CNTD1: variants seen among roughly 807,000 people sequenced by gnomAD.
The protein encoded by CNTD1 is cyclin N-terminal domain containing 1, also known as cyclin N-terminal domain-containing protein 1.
In CNTD1, 17 loss-of-function variants were observed where a neutral mutation model predicts 36.3. The observed-to-expected ratio is 0.47, with a 90% confidence interval of 0.32 to 0.70. The LOEUF is 0.70. Among genes scored for constraint, CNTD1 ranks in the 30% least tolerant of loss-of-function variants. CNTD1 has a pLI of 0.03. For synonymous variants in CNTD1, 128 were observed against 153.3 expected, an observed-to-expected ratio of 0.83 and a Z score of 1.22; for missense variants, 338 against 386.1, an observed-to-expected ratio of 0.88 and a Z score of 1.04.
chr17:42,799,937 G>A (rs1462475444), intron 1 of CNTD1, among the ~76,000 whole-genome samples: 2 of 150,972 alleles, frequency 1.3e-5, no homozygotes, highest in African/African-American at 2.4e-5. Flanking sequence ...GGTGGCGGGC[G>A]CCTGTAGTCC....
At chr17:42,803,793 G>A (rs893034911) in intron 2 of CNTD1, 98 bp downstream of exon 2, 4 of 900,576 alleles carry the variant, frequency 4.4e-6, no homozygotes, top group Non-Finnish European at 7.1e-6. Flanking sequence ...CTTACCCTGA[G>A]ACCTGGTTTT....
chr17:42,802,963 A>G (rs77591757), intron 1 of CNTD1, among the ~76,000 whole-genome samples: 3,314 of 152,152 alleles, frequency 0.022, 118 homozygotes, highest in African/African-American at 0.075. Flanking sequence ...CTCCCCCTAA[A>G]TTGGGCTATG....
Position 42,809,581 on chromosome 17 carries a change from T to TATAAA in CNTD1, c.*46_*47insATAAA, listed in dbSNP as rs1244372228. Reference sequence around the variant, plus strand: ...TATAAACAGCCATCCGTCACTGCACTCATGCCTCCCTCTGTTTACTTTCAT... The same window carrying TATAAA: ...TATAAACAGCCATCCGTCACTGCACTATAAACATGCCTCCCTCTGTTTACTTTCAT... On this transcript the variant is annotated 3_prime_UTR_variant, in exon 7 of 7. Transcript: ENST00000588408. 3 of 1,548,958 alleles carry TATAAA rather than the reference T, an allele frequency of 1.9e-6. No individual in the cohort carries two copies. The highest frequency in any genetic ancestry group is 2.7e-6 in the Non-Finnish European group (3 of 1,125,730).
Position 42,811,341 on chromosome 17 carries a change from CA to C in CNTD1, c.*1810del. ...TCCATCAATGGGATCCTAGAAAAAT[CA>C]AAAGAAGCATTCCTGTGTATTTCCA... On this transcript the variant is annotated 3_prime_UTR_variant, in exon 7 of 7. Transcript: ENST00000588408. The C allele has an allele frequency of 3.3e-6, 1 of 299,862 alleles. No individual in the cohort carries two copies. Among genetic ancestry groups the C allele is most frequent in the South Asian group, 1.4e-4 (1 of 7,110 alleles). The allele number at this position is 299,862 out of a possible 1,614,324, so 18.6% of individuals were successfully genotyped here.
chr17:42,799,752 C>CAAA (rs780393099), intron 1 of CNTD1, among the ~76,000 whole-genome samples: 304 of 10,586 alleles, frequency 0.029, 80 homozygotes, highest in African/African-American at 0.048. Flanking sequence ...AACTCCGTCT[C>CAAA]AAAAAAAAAA....
Position 42,804,185 on chromosome 17 carries a change from T to C in CNTD1, c.246-40T>C, listed in dbSNP as rs748482096. ...AGCAAGTTAAACTCCCTTTAGTTTGTGTGAGTGAGGATTGTTTACTCTCCC... is the reference window on the plus strand; with the variant it reads ...AGCAAGTTAAACTCCCTTTAGTTTGCGTGAGTGAGGATTGTTTACTCTCCC... On this transcript the variant is annotated intron_variant, in intron 2 of 6. Transcript: ENST00000588408. 9 of 1,570,350 alleles carry C rather than the reference T, an allele frequency of 5.7e-6. No homozygotes were observed. In the East Asian group the frequency reaches 1.3e-4, roughly 24 times the overall value.
Position 42,805,771 on chromosome 17 carries a change from T to A in CNTD1, c.467T>A (p.Leu156Gln). Residue 156 changes from leucine to glutamine, a missense_variant, in exon 4 of 7, where the codon CTA (leucine) becomes CAA (glutamine). Transcript: ENST00000588408. Reference protein sequence around the residue: ...VLNFLQALGYLHTKEELLESE... With the variant: ...VLNFLQALGYQHTKEELLESE... ...AATTTCCTCCAGGCTCTAGGCTATC[T>A]ACACACTAAAGAAGAACTGCTGGAA... 6.2e-7 allele frequency: 1 copy of A among 1,614,040 alleles called. No individual in the cohort carries two copies. The highest frequency in any genetic ancestry group is 8.5e-7 in the Non-Finnish European group (1 of 1,179,890).
intron 6 of CNTD1, 173 bp downstream of exon 6, chr17:42,808,037 T>C (rs2054908856): frequency 5.6e-6 from 3 of 533,940 alleles, no homozygotes; most frequent in Non-Finnish European, 3.3e-6. Flanking sequence ...AATGTTTCCT[T>C]GTTTTCCTTT....
At chr17:42,799,360 G>T in intron 1 of CNTD1, 124 bp downstream of exon 1, 1 of 1,111,870 alleles carries the variant, frequency 9.0e-7, no homozygotes, top group Non-Finnish European at 1.3e-6. Context: ...CTCTCTGTGG[G>T]GTGCTGGGGA....
At chr17:42,808,005 GA>G in intron 6 of CNTD1, 141 bp downstream of exon 6, 1 of 604,500 alleles carries the variant, frequency 1.7e-6, no homozygotes, top group East Asian at 2.9e-5. Context: ...ATTTGAGAGG[GA>G]AAAATCTAGG....
rs555490824 is a variant in CNTD1 at position 42,805,847 on chromosome 17, T to C, written c.543T>C (p.Thr181=). Residue 181 remains threonine, a synonymous_variant, in exon 4 of 7, where the codon ACT becomes ACC. Coordinates refer to ENST00000588408, the MANE Select transcript of CNTD1 (RefSeq NM_173478.3). ...KSLNFRINLP[T]PLAYVETLLE... is the part of the protein sequence containing the mutation. Reference sequence around the variant, plus strand: ...TGAACTTCCGAATTAATCTGCCCACTCCCCTGGCATATGTGGAGACGCTCC... The same window carrying C: ...TGAACTTCCGAATTAATCTGCCCACCCCCCTGGCATATGTGGAGACGCTCC... 2 of 1,613,826 alleles carry C rather than the reference T, an allele frequency of 1.2e-6. No homozygotes were observed. Among genetic ancestry groups the C allele is most frequent in the African/African-American group, 1.3e-5 (1 of 75,004 alleles).
intron 1 of CNTD1, 37 bp downstream of exon 1, chr17:42,799,273 G>T: frequency 1.9e-6 from 3 of 1,583,352 alleles, no homozygotes; most frequent in Non-Finnish European, 8.6e-7. Context: ...GTTCTTGGGA[G>T]ACTGGGGCTT....
At position 42,804,284 on chromosome 17, in the gene CNTD1, A is replaced by T; in HGVS notation, c.305A>T (p.Asn102Ile). The change falls in exon 3 of 7, where the codon AAT becomes ATT. Residue 102 changes from asparagine to isoleucine, a missense_variant. Asn to Ile is a moderately radical substitution (Grantham distance 149). Transcript: ENST00000588408. ...CAAGCCACAATCCAGCCAAGAGATA[A>T]TAAGAGAGAGTCTCAGAATTGGAGG... is the stretch of plus-strand genomic sequence containing the variant. Reference protein sequence around the residue: ...CRQATIQPRDNKRESQNWRAL... With the variant: ...CRQATIQPRDIKRESQNWRAL... 1.2e-6 allele frequency: 2 copies of T among 1,614,182 alleles called. No individual in the cohort carries two copies. Among genetic ancestry groups the T allele is most frequent in the East Asian group, 2.2e-5 (1 of 44,884 alleles).
At chr17:42,800,647 G>A (rs1365477834) in intron 1 of CNTD1, among the ~76,000 whole-genome samples, 2 of 152,156 alleles carry the variant, frequency 1.3e-5, no homozygotes, top group Admixed American at 1.3e-4. Flanking sequence ...TATTTTGGCA[G>A]TGATGTAAAG....
chr17:42,810,742 TC>T lies in CNTD1; in HGVS notation c.*1212del. The T allele has an allele frequency of 3.2e-6, 5 of 1,582,646 alleles. No homozygotes were observed. Among genetic ancestry groups the T allele is most frequent in the Non-Finnish European group, 4.3e-6 (5 of 1,165,780 alleles). On this transcript the variant is annotated 3_prime_UTR_variant, in exon 7 of 7. Transcript: ENST00000588408. ...AAATTAAAAGCCTTTAAGGCAAACC[TC>T]CCCCTAAGGAAAAAAGTCATTTGTT...
At chr17:42,806,182 C>A (rs1430899463) in intron 4 of CNTD1, among the ~76,000 whole-genome samples, 3 of 150,910 alleles carry the variant, frequency 2.0e-5, no homozygotes, top group African/African-American at 7.4e-5. Context: ...GAGCCGAGAT[C>A]ATGCCACTGC....
In CNTD1 at chr17:42,810,415, A is replaced by C. The variant is rs2054969981; in HGVS notation, c.*880A>C. The C allele has an allele frequency of 6.0e-6, 1 of 165,778 alleles. No homozygotes were observed. Among genetic ancestry groups the C allele is most frequent in the Non-Finnish European group, 1.3e-5 (1 of 76,830 alleles). The allele number at this position is 165,778 out of a possible 1,614,324, so 10.3% of individuals were successfully genotyped here. A position where few individuals can be genotyped will look rare whatever the true frequency, so the allele number is the denominator to read the frequency against. Reference sequence around the variant, plus strand: ...CTATTTCATATTGTTAAGTGCAGGAAGTTGAGAGAGATAAAAATCCAGTGA... The same window carrying C: ...CTATTTCATATTGTTAAGTGCAGGACGTTGAGAGAGATAAAAATCCAGTGA... On this transcript the variant is annotated 3_prime_UTR_variant, in exon 7 of 7. Transcript: ENST00000588408.
intron 6 of CNTD1, among the ~76,000 whole-genome samples, chr17:42,808,848 G>A (rs547407921): frequency 5.1e-4 from 78 of 152,328 alleles, no homozygotes; most frequent in African/African-American, 1.7e-3. Context: ...AGGAGTTGGA[G>A]ACAAGCCTGG....
chr17:42,803,725 G>A (rs765007007), intron 2 of CNTD1, 30 bp downstream of exon 2: 9 of 1,565,308 alleles, frequency 5.7e-6, no homozygotes, highest in Admixed American at 1.7e-5. Context: ...CCTTTTGAAC[G>A]GCACCTCTCA....
Sources: gnomAD v4.1 joint callset for allele counts (sites outside exome capture counted in the v4.1 genomes callset) on GRCh38, gnomAD v4.1.1 for gene constraint, MANE v1.5 for transcripts, NCBI Gene and HGNC (gene_info 2026-07-23, HGNC 2026-07-21) for gene names.